The following CPS1 variants were observed in gnomAD, a reference collection of about 807,000 sequenced individuals.
The protein encoded by CPS1 is carbamoyl-phosphate synthase [ammonia], mitochondrial.
In CPS1, 109 loss-of-function variants were observed where a neutral mutation model predicts 174.6. That is an observed-to-expected ratio of 0.62 (90% CI 0.53 to 0.73). The LOEUF (loss-of-function observed/expected upper bound fraction) is 0.73, where lower values mean the gene tolerates loss of function less well. Ranked by LOEUF, CPS1 falls within the 30% of genes least tolerant of loss-of-function variation. The pLI is 0.00. For missense variants in CPS1, 1,689 were observed against 1,821.9 expected, an observed-to-expected ratio of 0.93 and a Z score of 1.33; for synonymous variants, 637 against 632.0, an observed-to-expected ratio of 1.01 and a Z score of -0.12.
chr2:210,488,703 A>C (rs1297601085), intron 1 of CPS1, among the ~76,000 whole-genome samples: 4 of 152,228 alleles, frequency 2.6e-5, no homozygotes, highest in Non-Finnish European at 4.4e-5. Flanking sequence ...AATAACTGAA[A>C]GATCTCTCTT....
intron 1 of CPS1, among the ~76,000 whole-genome samples, chr2:210,484,106 T>A (rs1360026142): frequency 1.3e-5 from 2 of 152,120 alleles, no homozygotes; most frequent in African/African-American, 2.4e-5. Context: ...TGAGAACTCA[T>A]GGTGGGAGAG....
At chr2:210,638,279 A>T (rs1226988331) in intron 22 of CPS1, among the ~76,000 whole-genome samples, 1 of 152,138 alleles carries the variant, frequency 6.6e-6, no homozygotes, top group Non-Finnish European at 1.5e-5. Flanking sequence ...CTTTATATTA[A>T]GTGCCCCATG....
chr2:210,547,062 GAGCCATCTTGGCCTGTTACT>G (rs1488026202), intron 1 of CPS1, among the ~76,000 whole-genome samples: 1 of 152,094 alleles, frequency 6.6e-6, no homozygotes, highest in Non-Finnish European at 1.5e-5. Context: ...CAGTGTTGAA[GAGCCATCTTGGCCTGTTACT>G]AGCGCTGCCC....
intron 13 of CPS1, among the ~76,000 whole-genome samples, chr2:210,596,278 G>T (rs1698479198): frequency 6.6e-6 from 1 of 152,008 alleles, no homozygotes; most frequent in East Asian, 2.0e-4. Flanking sequence ...GAGGAGTTCA[G>T]TTGGTACCCC....
chr2:210,487,792 CAT>C (rs1248678858), intron 1 of CPS1, among the ~76,000 whole-genome samples: 1 of 152,044 alleles, frequency 6.6e-6, no homozygotes, highest in Non-Finnish European at 1.5e-5. Context: ...TACCTTTGCA[CAT>C]GTTTGTGCTC....
rs745861280 is a variant in CPS1, at chr2:210,663,100, CCT to C, written c.3928-22_3928-21del. On this transcript the variant is annotated intron_variant, in intron 32 of 37. Coordinates refer to ENST00000233072, the MANE Select transcript of CPS1 (RefSeq NM_001875.5). Reference sequence around the variant, plus strand: ...ACTTTTCCCTCACATAATTTTTCTCCCTGTTTTTTTTTTTTCCAACAGGCTCC... The same window carrying C: ...ACTTTTCCCTCACATAATTTTTCTCCGTTTTTTTTTTTTCCAACAGGCTCC... 1.2e-5 allele frequency: 18 copies of C among 1,501,214 alleles called. No individual in the cohort carries two copies. The Admixed American group carries it at 3.3e-4, about 27-fold the overall frequency. 93.0% of individuals were successfully genotyped at this position (1,501,214 alleles called of 1,614,324 possible).
intron 1 of CPS1, among the ~76,000 whole-genome samples, chr2:210,508,378 A>C (rs915734871): frequency 4.6e-5 from 7 of 151,756 alleles, no homozygotes; most frequent in Non-Finnish European, 1.5e-5. Context: ...CATTCAAAGC[A>C]GTGTGTAGAG....
intron 14 of CPS1, 108 bp from the exon 15 acceptor site, chr2:210,600,447 G>GT (rs1303937613): frequency 2.7e-6 from 3 of 1,103,850 alleles, no homozygotes; most frequent in Non-Finnish European, 4.0e-6. Context: ...GTAGACAGTG[G>GT]TAACTTCTCG....
At chr2:210,656,667 G>C in intron 30 of CPS1, 35 bp downstream of exon 30, 6 of 1,454,792 alleles carry the variant, frequency 4.1e-6, no homozygotes, top group Non-Finnish European at 5.8e-6. Context: ...AAGGGAAAAG[G>C]CAACACTCAG....
At chr2:210,540,836 A>G (rs374083761) in intron 1 of CPS1, among the ~76,000 whole-genome samples, 1 of 152,196 alleles carries the variant, frequency 6.6e-6, no homozygotes, top group Non-Finnish European at 1.5e-5. Context: ...TTTAAACTTT[A>G]TAATATTGAC....
At chr2:210,573,545 ATAGCCT>A in intron 2 of CPS1, 138 bp downstream of exon 2, 6 of 720,102 alleles carry the variant, frequency 8.3e-6, no homozygotes, top group South Asian at 1.6e-5. Context: ...TGCCTTGTGC[ATAGCCT>A]ACTGCTGCCG....
intron 1 of CPS1, among the ~76,000 whole-genome samples, chr2:210,567,426 A>G (rs1697338769): frequency 6.6e-6 from 1 of 152,150 alleles, no homozygotes; most frequent in African/African-American, 2.4e-5. Flanking sequence ...ATAGAAATGT[A>G]ATATTGTAAG....
chr2:210,579,013 C>A (rs946893347), intron 4 of CPS1, among the ~76,000 whole-genome samples: 2 of 152,052 alleles, frequency 1.3e-5, no homozygotes, highest in Non-Finnish European at 2.9e-5. Context: ...AGATAATAAC[C>A]AGTTCACCTC....
chr2:210,587,702 G>T (rs1009554617), intron 6 of CPS1, among the ~76,000 whole-genome samples: 27 of 152,062 alleles, frequency 1.8e-4, no homozygotes, highest in Admixed American at 1.6e-3. Context: ...CATCTGTCTA[G>T]TGCTGAATCA....
At chr2:210,674,786 A>G in intron 34 of CPS1, 116 bp from the exon 35 acceptor site, 2 of 875,726 alleles carry the variant, frequency 2.3e-6, no homozygotes, top group Non-Finnish European at 3.8e-6. Flanking sequence ...ATTTTTTAAT[A>G]TAAAGCATCC....
chr2:210,593,583 C>T (rs1407116164), intron 11 of CPS1: 1 of 985,290 alleles, frequency 1.0e-6, no homozygotes, highest in African/African-American at 1.7e-5. Context: ...TGGTGATATC[C>T]AGAAAAATCT....
chr2:210,671,182 C>G (rs1701288958), intron 34 of CPS1, among the ~76,000 whole-genome samples: 2 of 152,288 alleles, frequency 1.3e-5, no homozygotes, highest in Non-Finnish European at 2.9e-5. Flanking sequence ...GTGTTTTCCT[C>G]TCTGATTGGG....
chr2:210,555,198 G>A (rs6749355), upstream of CPS1, among the ~76,000 whole-genome samples: 61,706 of 151,586 alleles, frequency 0.41, 12,766 homozygotes, highest in Middle Eastern at 0.52. Flanking sequence ...ATGCCTCTAG[G>A]CTATTGCTCA....
At chr2:210,568,252 G>C (rs187003191) in intron 1 of CPS1, among the ~76,000 whole-genome samples, 16 of 152,188 alleles carry the variant, frequency 1.1e-4, no homozygotes, top group Non-Finnish European at 1.5e-5. Flanking sequence ...AGGCAACGAG[G>C]AAGACATTTA....
Sources: gnomAD v4.1 joint callset for allele counts (sites outside exome capture counted in the v4.1 genomes callset) on GRCh38, gnomAD v4.1.1 for gene constraint, MANE v1.5 for transcripts, NCBI Gene and HGNC (gene_info 2026-07-23, HGNC 2026-07-21) for gene names.